Variants in PCDH15 observed in about 807,000 individuals in gnomAD.
PCDH15 encodes the protein protocadherin-15.
A neutral mutation model predicts 178.5 loss-of-function variants in PCDH15; 129 were observed. The observed-to-expected ratio is 0.72, with a 90% CI of 0.63 to 0.84. PCDH15 has a LOEUF of 0.84. Among genes scored for constraint, PCDH15 ranks in the 40% least tolerant of loss-of-function variants. The pLI is 0.00. For synonymous variants in PCDH15, 800 were observed against 732.0 expected (o/e 1.09, Z -1.50); for missense variants, 2,230 against 2,099.9 (o/e 1.06, Z -1.21).
At position 54,372,645 on chromosome 10, in the gene PCDH15, C is replaced by T. The variant is rs149590373; in HGVS notation, c.319-3370G>A. On this transcript the variant is annotated intron_variant, in intron 4 of 37. Transcript: ENST00000644397. ...ATTAGGGAAATTTTGCTTTATCTTTCATAACTGGTGGCAAAAATAAGCCAT... is the reference window on the plus strand; with the variant it reads ...ATTAGGGAAATTTTGCTTTATCTTTTATAACTGGTGGCAAAAATAAGCCAT... Among the ~76,000 whole-genome samples, 198 of 151,840 alleles carry T rather than the reference C, an allele frequency of 1.3e-3. 1 individual carries two copies. Among genetic ancestry groups the T allele is most frequent in the African/African-American group, 4.6e-3 (192 of 41,520 alleles).
At chr10:54,781,313 C>T (rs1002557036) in intron 1 of PCDH15, among the ~76,000 whole-genome samples, 1 of 152,042 alleles carries the variant, frequency 6.6e-6, no homozygotes, top group Non-Finnish European at 1.5e-5. Context: ...TATCCCTCCC[C>T]TAGCCCACCA....
chr10:54,199,962 T>C (rs1458654850), intron 10 of PCDH15, among the ~76,000 whole-genome samples: 1 of 152,148 alleles, frequency 6.6e-6, no homozygotes, highest in African/African-American at 2.4e-5. Flanking sequence ...ATTTTGTTAC[T>C]TTGGAAGGCA....
At chr10:55,540,200 A>G (rs1318931976) in intron 2 of PCDH15, among the ~76,000 whole-genome samples, 1 of 152,076 alleles carries the variant, frequency 6.6e-6, no homozygotes, top group Non-Finnish European at 1.5e-5. Context: ...TTCGCTTTTT[A>G]AAAATAAATG....
At chr10:54,622,592 AATATATAATATATATAATT>A (rs1457940852) in intron 2 of PCDH15, among the ~76,000 whole-genome samples, 144 of 46,112 alleles carry the variant, frequency 3.1e-3, no homozygotes, top group African/African-American at 0.01. Context: ...TAATATATAT[AATATATAATATATATAATT>A]ATATATAATA....
chr10:54,839,275 A>G (rs1398204840), intron 3 of PCDH15, among the ~76,000 whole-genome samples: 1 of 152,154 alleles, frequency 6.6e-6, no homozygotes, highest in Admixed American at 6.6e-5. Context: ...ATCTGAAGAA[A>G]AAACAATCCA....
At chr10:53,861,226 G>C (rs988800192) in intron 27 of PCDH15, among the ~76,000 whole-genome samples, 1 of 152,004 alleles carries the variant, frequency 6.6e-6, no homozygotes, top group Non-Finnish European at 1.5e-5. Context: ...AATATTTCCA[G>C]AAATTTGCAT....
chr10:53,888,309 T>TATATATATATATATATATTTAC (rs59199185), intron 26 of PCDH15, among the ~76,000 whole-genome samples: 1 of 107,800 alleles, frequency 9.3e-6, no homozygotes, highest in African/African-American at 3.9e-5. Context: ...TATATATATA[T>TATATATATATATATATATTTAC]GTATATATGT....
chr10:54,063,441 A>G (rs1165361008), intron 18 of PCDH15, among the ~76,000 whole-genome samples: 2 of 152,038 alleles, frequency 1.3e-5, no homozygotes, highest in East Asian at 3.9e-4. Flanking sequence ...CCCCTGTTAT[A>G]GACTTTATTA....
At chr10:54,879,689 A>T (rs898519666) in intron 3 of PCDH15, among the ~76,000 whole-genome samples, 2 of 151,188 alleles carry the variant, frequency 1.3e-5, no homozygotes, top group African/African-American at 2.4e-5. Flanking sequence ...TATTAAATAT[A>T]TTAATATTTT....
chr10:55,071,745 A>C (rs1232063448), intron 2 of PCDH15, among the ~76,000 whole-genome samples: 3 of 152,162 alleles, frequency 2.0e-5, no homozygotes, highest in Non-Finnish European at 4.4e-5. Flanking sequence ...CACCAAGCTG[A>C]CCTAATAGAC....
At chr10:54,762,180 A>C (rs557004890) in intron 1 of PCDH15, among the ~76,000 whole-genome samples, 1 of 131,578 alleles carries the variant, frequency 7.6e-6, no homozygotes, top group Non-Finnish European at 1.6e-5. Flanking sequence ...AATATTACAG[A>C]TTAAAATTGT....
intron 1 of PCDH15, among the ~76,000 whole-genome samples, chr10:55,277,678 C>T (rs1028434425): frequency 4.0e-5 from 6 of 151,896 alleles, no homozygotes; most frequent in South Asian, 4.2e-4. Flanking sequence ...ATGTAGAACT[C>T]GTCTCAGAGC....
chr10:54,119,756 C>A (rs201049552), intron 15 of PCDH15, among the ~76,000 whole-genome samples: 1 of 151,830 alleles, frequency 6.6e-6, no homozygotes, highest in Admixed American at 6.6e-5. Context: ...CTCAAAATAG[C>A]GAATTTCATT....
At chr10:54,215,019 A>C (rs2051856793) in intron 9 of PCDH15, among the ~76,000 whole-genome samples, 1 of 152,262 alleles carries the variant, frequency 6.6e-6, no homozygotes, top group South Asian at 2.1e-4. Context: ...TCAAATCATA[A>C]AATTGTATAG....
At chr10:54,580,437 A>C (rs1339860696) in intron 2 of PCDH15, among the ~76,000 whole-genome samples, 1 of 151,990 alleles carries the variant, frequency 6.6e-6, no homozygotes, top group Non-Finnish European at 1.5e-5. Flanking sequence ...CTCTGAACAA[A>C]TGAATCAGTC....
At chr10:55,251,703 A>G (rs1162004700) in intron 1 of PCDH15, among the ~76,000 whole-genome samples, 3 of 152,198 alleles carry the variant, frequency 2.0e-5, no homozygotes, top group Non-Finnish European at 2.9e-5. Flanking sequence ...CACAGGTCCA[A>G]TTGTTGAATT....
intron 18 of PCDH15, among the ~76,000 whole-genome samples, chr10:54,041,286 A>G (rs2093537889): frequency 6.6e-6 from 1 of 152,116 alleles, no homozygotes; most frequent in Non-Finnish European, 1.5e-5. Flanking sequence ...ACATCAATTC[A>G]TAACATTACA....
intron 26 of PCDH15, among the ~76,000 whole-genome samples, chr10:53,887,973 A>T (rs1432482608): frequency 6.6e-6 from 1 of 152,074 alleles, no homozygotes; most frequent in Non-Finnish European, 1.5e-5. Flanking sequence ...AGGATCTTCA[A>T]AAAAAGAAAA....
At chr10:53,932,541 G>A (rs1251250415) in intron 25 of PCDH15, among the ~76,000 whole-genome samples, 1 of 152,164 alleles carries the variant, frequency 6.6e-6, no homozygotes, top group Non-Finnish European at 1.5e-5. Flanking sequence ...TGTTAAACTT[G>A]AGAAGGGAAA....
Sources: allele counts gnomAD v4.1 joint callset (sites outside exome capture counted in the v4.1 genomes callset), GRCh38; gene constraint gnomAD v4.1.1; transcripts MANE v1.5; gene names NCBI Gene and HGNC (gene_info 2026-07-23, HGNC 2026-07-21).